The following DNAH6 variants were observed in gnomAD, a reference collection of about 807,000 sequenced individuals.
DNAH6 encodes the protein dynein axonemal heavy chain 6.
Under a neutral mutation model 491.4 loss-of-function variants are expected in DNAH6, and 340 were observed. The ratio of observed to expected loss-of-function variants is 0.69; its 90% CI spans 0.63 to 0.76. The LOEUF is 0.76. Among genes scored for constraint, DNAH6 ranks in the 30% least tolerant of loss-of-function variants. DNAH6 has a pLI of 0.00. For missense variants in DNAH6, 4,443 were observed against 4,972.2 expected, an observed-to-expected ratio of 0.89 and a Z score of 3.20; for synonymous variants, 1,603 against 1,686.1, an observed-to-expected ratio of 0.95 and a Z score of 1.21.
At chr2:84,601,754 G>A (rs1442321798) in intron 18 of DNAH6, among the ~76,000 whole-genome samples, 1 of 151,674 alleles carries the variant, frequency 6.6e-6, no homozygotes, top group African/African-American at 2.4e-5. Flanking sequence ...CTTGCTAGCT[G>A]TTTTATTTAT....
At chr2:84,504,886 CT>C in the DNAH6 span, among the ~76,000 whole-genome samples, 1 of 152,168 alleles carries the variant, frequency 6.6e-6, no homozygotes, top group African/African-American at 2.4e-5. Flanking sequence ...AGCTTGTCAA[CT>C]TTTATAAAAG....
At chr2:84,705,073 A>G (rs1238873007) in intron 51 of DNAH6, among the ~76,000 whole-genome samples, 5 of 152,236 alleles carry the variant, frequency 3.3e-5, no homozygotes, top group African/African-American at 1.2e-4. Context: ...TCAATCTGGC[A>G]AAAGTTCAGA....
intron 11 of DNAH6, among the ~76,000 whole-genome samples, chr2:84,562,691 C>T (rs1680797602): frequency 6.6e-6 from 1 of 152,166 alleles, no homozygotes; most frequent in Admixed American, 6.5e-5. Flanking sequence ...GGAAACCAGG[C>T]ACAGCTTCCA....
the DNAH6 span, among the ~76,000 whole-genome samples, chr2:84,486,314 C>T: frequency 6.6e-6 from 1 of 152,194 alleles, no homozygotes; most frequent in Admixed American, 6.5e-5. Flanking sequence ...CCTTAAAAGC[C>T]ACCAGTGGGG....
Position 84,577,336 on chromosome 2 carries a change from T to G in DNAH6, c.2004T>G (p.Asn668Lys). ...KDAVALRPTR[N>K]VGLLLIDTRL... is the part of the protein sequence containing the mutation. ...CAGTAGCGCTCAGACCCACCAGAAA[T>G]GTAGGATTGCTGCTCATTGATACTA... The change falls in exon 13 of 77, where the codon AAT becomes AAG. Residue 668 changes from asparagine to lysine, a missense_variant. Physicochemically the swap from Asn to Lys is moderately conservative, Grantham distance 94. This residue lies in a region of DNAH6 where 2,977 missense variants were observed against 3,296.6 expected (regional missense o/e 0.90). Transcript: ENST00000389394. 1 of 1,612,278 alleles carries G rather than the reference T, an allele frequency of 6.2e-7. No homozygotes were observed. The highest frequency in any genetic ancestry group is 8.5e-7 in the Non-Finnish European group (1 of 1,179,104).
intron 10 of DNAH6, among the ~76,000 whole-genome samples, chr2:84,557,375 G>A (rs374122492): frequency 8.5e-5 from 13 of 152,066 alleles, no homozygotes; most frequent in East Asian, 3.9e-4. Flanking sequence ...GGCCGGGCGC[G>A]GTGGCTCACG....
chr2:84,801,306 T>C (rs1359107072), intron 70 of DNAH6, among the ~76,000 whole-genome samples: 2 of 137,026 alleles, frequency 1.5e-5, no homozygotes, highest in Non-Finnish European at 3.2e-5. Context: ...CTGGAAAACA[T>C]ATTTGAGTAT....
In DNAH6 at chr2:84,557,616, G is replaced by A. The variant is rs540018953; in HGVS notation, c.1603-119G>A. 526 of 218,594 alleles carry A rather than the reference G, an allele frequency of 2.4e-3. 4 individuals are homozygous for A. Among genetic ancestry groups the A allele is most frequent in the African/African-American group, 0.014 (504 of 35,362 alleles). The allele number at this position is 218,594 out of a possible 1,614,324, so 13.5% of individuals were successfully genotyped here. ...AGTGAGCCGAGATTGCGCCACTGCA[G>A]TCCGCAGTCCGGCCTGGGCGACAGA... On this transcript the variant is annotated intron_variant, in intron 10 of 76. Transcript: ENST00000389394.
At chr2:84,734,477 T>A (rs1167414390) in intron 62 of DNAH6, among the ~76,000 whole-genome samples, 1 of 152,216 alleles carries the variant, frequency 6.6e-6, no homozygotes, top group Admixed American at 6.5e-5. Flanking sequence ...TTATTTATAA[T>A]TTAATTACAT....
At chr2:84,643,488 G>A (rs531982723) in intron 33 of DNAH6, among the ~76,000 whole-genome samples, 2 of 151,992 alleles carry the variant, frequency 1.3e-5, no homozygotes, top group East Asian at 1.9e-4. Context: ...CTTACCCTCT[G>A]GTATTCCCAC....
chr2:84,742,512 A>G (rs981492744), intron 62 of DNAH6, among the ~76,000 whole-genome samples: 1 of 152,196 alleles, frequency 6.6e-6, no homozygotes, highest in Admixed American at 6.5e-5. Flanking sequence ...ATGCTACTAC[A>G]CATCCTACAG....
chr2:84,786,544 CA>C (rs2105245104), intron 67 of DNAH6, among the ~76,000 whole-genome samples: 1 of 151,708 alleles, frequency 6.6e-6, no homozygotes, highest in South Asian at 2.1e-4. Context: ...GTTCCGCTAA[CA>C]AAAGCAGCTG....
intron 62 of DNAH6, 41 bp from the exon 63 acceptor site, chr2:84,745,039 A>T: frequency 2.3e-6 from 3 of 1,304,944 alleles, no homozygotes; most frequent in Non-Finnish European, 3.1e-6. Context: ...CAAAGCCAAA[A>T]CAAATCTAAT....
chr2:84,597,046 A>G (rs765990606), intron 18 of DNAH6, among the ~76,000 whole-genome samples: 2 of 152,190 alleles, frequency 1.3e-5, no homozygotes, highest in Non-Finnish European at 2.9e-5. Flanking sequence ...CAATTTCATT[A>G]TCCTAAAAAT....
the DNAH6 span, among the ~76,000 whole-genome samples, chr2:84,506,035 T>TTA: frequency 6.6e-6 from 1 of 152,226 alleles, no homozygotes; most frequent in Non-Finnish European, 1.5e-5. Context: ...GCATGTGTCT[T>TTA]TATAGCAGCA....
chr2:84,781,150 A>T (rs1257995271), intron 64 of DNAH6, among the ~76,000 whole-genome samples: 1 of 152,182 alleles, frequency 6.6e-6, no homozygotes, highest in East Asian at 1.9e-4. Context: ...AGAAGTTAGG[A>T]TAATGATTAC....
At chr2:84,584,788 C>T (rs904001073) in intron 15 of DNAH6, 6 of 152,518 alleles carry the variant, frequency 3.9e-5, no homozygotes, top group African/African-American at 1.4e-4. Context: ...ATACAACAAA[C>T]CCCCATGACA....
Position 84,628,985 on chromosome 2 carries a change from ATG to A in DNAH6, c.4515+3933_4515+3934del, listed in dbSNP as rs1001813710. On this transcript the variant is annotated intron_variant, in intron 29 of 76. Transcript: ENST00000389394. ...GGGGTTATTATTCACATGTGTGCATATGTGTGTGTGTGGTCCTAAATTTAAAA... is the reference window on the plus strand; with the variant it reads ...GGGGTTATTATTCACATGTGTGCATATGTGTGTGTGGTCCTAAATTTAAAA... Among the ~76,000 whole-genome samples the A allele has an allele frequency of 6.6e-5, 10 of 151,956 alleles. 1 individual carries two copies. The South Asian group carries it at 1.2e-3, about 19-fold the overall frequency.
At chr2:84,526,596 A>C (rs1313202718) in intron 3 of DNAH6, among the ~76,000 whole-genome samples, 1 of 152,180 alleles carries the variant, frequency 6.6e-6, no homozygotes, top group Admixed American at 6.6e-5. Flanking sequence ...GAGTTGCACT[A>C]AGCTGAGAAG....
Sources: allele counts gnomAD v4.1 joint callset (sites outside exome capture counted in the v4.1 genomes callset), GRCh38; gene constraint gnomAD v4.1.1; regional missense constraint gnomAD v4.1.1; transcripts MANE v1.5; gene names NCBI Gene and HGNC (gene_info 2026-07-23, HGNC 2026-07-21).